MUS81: variants seen among roughly 807,000 people sequenced by gnomAD.
MUS81 encodes the protein structure-specific endonuclease subunit MUS81.
A neutral mutation model predicts 74.2 loss-of-function variants in MUS81; 69 were observed. The ratio of observed to expected loss-of-function variants is 0.93; its 90% CI spans 0.77 to 1.14. The LOEUF (loss-of-function observed/expected upper bound fraction) is 1.14. Among genes scored for constraint, MUS81 ranks in the 50% most tolerant of loss-of-function variants. The pLI is 0.00. For synonymous variants in MUS81, 303 were observed against 300.6 expected (o/e 1.01, Z -0.08); for missense variants, 711 against 726.5 (o/e 0.98, Z 0.25).
At chr11:65,861,627 T>C (rs1591054759) in intron 3 of MUS81, 192 bp downstream of exon 3, 2 of 610,766 alleles carry the variant, frequency 3.3e-6, no homozygotes, top group African/African-American at 3.7e-5. Context: ...ATGAGAGAAT[T>C]CCATGATCAA....
chr11:65,864,408 C>A (rs630758), intron 10 of MUS81, 89 bp from the exon 11 acceptor site: 724,600 of 1,200,002 alleles, frequency 0.6, 228,307 homozygotes, highest in Middle Eastern at 0.7. Context: ...GAACAGGGTC[C>A]CGGCACCATT....
intron 3 of MUS81, 102 bp downstream of exon 3, chr11:65,861,537 A>G: frequency 1.1e-6 from 1 of 936,270 alleles, no homozygotes; most frequent in Non-Finnish European, 1.6e-6. Flanking sequence ...CTCACCAGTG[A>G]TGCCTGGCCT....
chr11:65,864,058 A>G (rs1460430840), intron 10 of MUS81, 157 bp downstream of exon 10: 3 of 695,616 alleles, frequency 4.3e-6, no homozygotes, highest in East Asian at 2.7e-5. Context: ...AGACCCCCAC[A>G]GGCCCATCCA....
rs367904714 is a variant in MUS81 at position 65,863,949 on chromosome 11, G to A, written c.1059+48G>A. The A allele has an allele frequency of 1.1e-5, 17 of 1,591,150 alleles. No homozygotes were observed. The African/African-American group carries it at 1.7e-4, about 16-fold the overall frequency. On this transcript the variant is annotated intron_variant, in intron 10 of 15. Transcript: ENST00000308110. ...GCTTCCCTGCCTGCTCCGAAGCCCCGTTTTCAGCCCAGAGCAATCCAGGGG... is the reference window on the plus strand; with the variant it reads ...GCTTCCCTGCCTGCTCCGAAGCCCCATTTTCAGCCCAGAGCAATCCAGGGG...
chr11:65,865,388 TC>T, intron 14 of MUS81, 65 bp downstream of exon 14: 1 of 1,492,060 alleles, frequency 6.7e-7, no homozygotes. Flanking sequence ...TTCACCTTAA[TC>T]CATGCTTCGT....
intron 12 of MUS81, 26 bp from the exon 13 acceptor site, chr11:65,864,991 C>T (rs1565269302): frequency 6.2e-6 from 10 of 1,611,746 alleles, no homozygotes; most frequent in Non-Finnish European, 8.5e-6. Flanking sequence ...GAGCTCCAGC[C>T]TGGCCTCAGT....
rs1377530063 is a variant in MUS81, at chr11:65,863,602, GC to G, written c.843del (p.His283ThrfsTer14). 6.2e-7 allele frequency: 1 copy of G among 1,614,034 alleles called. No homozygotes were observed. ...LCVDIGETRG[G>X]GHRPELLREL... ...GGCTTCCCTCCTTGCCACTCCAGGG[GC>G]GGGCACAGGCCGGAGCTGCTCCGAG... On this transcript the variant is annotated frameshift_variant, in exon 9 of 16. Coordinates refer to ENST00000308110, the MANE Select transcript of MUS81 (RefSeq NM_025128.5). LOFTEE classifies it high-confidence loss of function.
intron 7 of MUS81, 76 bp from the exon 8 acceptor site, chr11:65,863,334 G>T: frequency 6.3e-7 from 1 of 1,595,010 alleles, no homozygotes; most frequent in South Asian, 1.1e-5. Flanking sequence ...GGTGGTGGGT[G>T]TCGGGTGGCA....
At position 65,866,054 on chromosome 11, in the gene MUS81, C is replaced by T. The variant is rs764199513; in HGVS notation, c.*2C>T. The T allele has an allele frequency of 8.7e-6, 14 of 1,613,600 alleles. No individual in the cohort carries two copies. In the East Asian group the frequency reaches 3.1e-4, roughly 36 times the overall value. On this transcript the variant is annotated 3_prime_UTR_variant, in exon 16 of 16. Transcript: ENST00000308110. Reference sequence around the variant, plus strand: ...TGCAGCTACGGCCCCTTGACCTGAGCTTATGCCGTGAAACAGCCCCCAGCC... The same window carrying T: ...TGCAGCTACGGCCCCTTGACCTGAGTTTATGCCGTGAAACAGCCCCCAGCC...
At chr11:65,866,931 G>T (rs1859858566), downstream of MUS81, 2 of 1,614,102 alleles carry the variant, frequency 1.2e-6, no homozygotes, top group African/African-American at 1.3e-5. Context: ...GAAGGTGTAG[G>T]CCCCTACAAA....
rs755982969 is a variant in MUS81 at position 65,862,034 on chromosome 11, C to T, written c.439C>T (p.Arg147Trp). Residue 147 changes from arginine to tryptophan, a missense_variant, in exon 4 of 16, where the codon CGG becomes TGG. Arg to Trp is a moderately radical substitution (Grantham distance 101). Coordinates refer to ENST00000308110, the MANE Select transcript of MUS81 (RefSeq NM_025128.5). ...GARVILLVLY[R>W]EHLNPNGHHF... ...CCGAGTGATACTGCTGGTGCTCTAC[C>T]GGGAGCACCTGGTGAGCACTGGGCT... is the stretch of plus-strand genomic sequence containing the variant. 15 of 1,608,044 alleles carry T rather than the reference C, an allele frequency of 9.3e-6. No individual in the cohort carries two copies. Among genetic ancestry groups the T allele is most frequent in the Admixed American group, 3.4e-5 (2 of 59,062 alleles).
At chr11:65,862,907 C>T (rs193148112) in intron 6 of MUS81, among the ~76,000 whole-genome samples, 158 bp from the exon 7 acceptor site, 1 of 152,310 alleles carries the variant, frequency 6.6e-6, no homozygotes, top group East Asian at 1.9e-4. Context: ...CAAGGAACTG[C>T]TCTAAGAGCC....
chr11:65,862,481 G>A lies in MUS81; in HGVS notation c.557G>A (p.Arg186His), dbSNP rs758183083. ...AGTGCTCGACCCTGGCCAGCCCTCC[G>A]CTCCCTCCTTCACAGGAACCTGGTC... ...PGSARPWPAL[R>H]SLLHRNLVLR... The change falls in exon 6 of 16, where the codon CGC becomes CAC. Residue 186 changes from arginine to histidine, a missense_variant. Transcript: ENST00000308110. 116 of 1,613,664 alleles carry A rather than the reference G, an allele frequency of 7.2e-5. No individual in the cohort carries two copies. Among genetic ancestry groups the A allele is most frequent in the African/African-American group, 1.3e-4 (10 of 74,922 alleles).
Position 65,866,085 on chromosome 11 carries a change from C to CT in MUS81, c.*34dup. On this transcript the variant is annotated 3_prime_UTR_variant, in exon 16 of 16. Coordinates refer to ENST00000308110, the MANE Select transcript of MUS81 (RefSeq NM_025128.5). ...CCGTGAAACAGCCCCCAGCCCCCGT[C>CT]TGTCCCCCAACCCAGGCTAGCCAGC... 1.2e-6 allele frequency: 2 copies of CT among 1,601,078 alleles called. No homozygotes were observed. Among genetic ancestry groups the CT allele is most frequent in the Non-Finnish European group, 1.7e-6 (2 of 1,172,602 alleles).
intron 1 of MUS81, 31 bp downstream of exon 1, chr11:65,860,919 C>T (rs1473050995): frequency 6.2e-7 from 1 of 1,605,268 alleles, no homozygotes; most frequent in African/African-American, 1.3e-5. Context: ...ATGGGAAAAG[C>T]TGCTGGCCAG....
At chr11:65,863,040 C>T in intron 6 of MUS81, 25 bp from the exon 7 acceptor site, 2 of 1,613,672 alleles carry the variant, frequency 1.2e-6, no homozygotes, top group South Asian at 2.2e-5. Context: ...GAAGGTAGAG[C>T]TGTGTTGTCC....
rs192220965 is a variant in MUS81 at position 65,864,131 on chromosome 11, C to T, written c.1059+230C>T. 2.2e-4 allele frequency: 133 copies of T among 601,612 alleles called. 1 individual carries two copies. Among genetic ancestry groups the T allele is most frequent in the South Asian group, 1.4e-3 (73 of 50,408 alleles). The allele number at this position is 601,612 out of a possible 1,614,324, so 37.3% of individuals were successfully genotyped here. On this transcript the variant is annotated intron_variant, in intron 10 of 15. Transcript: ENST00000308110. Reference sequence around the variant, plus strand: ...CTGAGGTCAGGAGCATTTTAAAGACCTCTTGGGTACCCAGCCCCTGCAGTC... The same window carrying T: ...CTGAGGTCAGGAGCATTTTAAAGACTTCTTGGGTACCCAGCCCCTGCAGTC...
At position 65,860,870 on chromosome 11, in the gene MUS81, G is replaced by A. The variant is rs2134721396; in HGVS notation, c.117G>A (p.Thr39=). The A allele has an allele frequency of 6.4e-7, 1 of 1,562,608 alleles. No homozygotes were observed. Among genetic ancestry groups the A allele is most frequent in the Non-Finnish European group, 8.6e-7 (1 of 1,156,714 alleles). Residue 39 remains threonine, a synonymous_variant, in exon 1 of 16, where the codon ACG becomes ACA. Coordinates refer to ENST00000308110, the MANE Select transcript of MUS81 (RefSeq NM_025128.5). ...AGGCGACCCGCAGCAGGCGCCGCAC[G>A]CGCTTCGTATTTCAGAAGGTGGGTC... ...RDEATRSRRR[T]RFVFQKALRS... is the part of the protein sequence containing the mutation.
Position 65,863,886 on chromosome 11 carries a change from C to T in MUS81, c.1044C>T (p.Arg348=), listed in dbSNP as rs967944328. 1 of 1,614,156 alleles carries T rather than the reference C, an allele frequency of 6.2e-7. No homozygotes were observed. Among genetic ancestry groups the T allele is most frequent in the Non-Finnish European group, 8.5e-7 (1 of 1,180,016 alleles). ...DDLCSSIIDG[R]FREQKFRLKR... The stretch of plus-strand genomic sequence containing the variant: ...TTTGCAGCAGCATCATCGACGGCCG[C>T]TTCCGGGAGCAGAAGGTAATTTTGC... Residue 348 remains arginine (R), a synonymous_variant, in exon 10 of 16, where the codon CGC becomes CGT. Transcript: ENST00000308110.
Sources: allele counts gnomAD v4.1 joint callset (sites outside exome capture counted in the v4.1 genomes callset), GRCh38; gene constraint gnomAD v4.1.1; transcripts MANE v1.5; gene names NCBI Gene and HGNC (gene_info 2026-07-23, HGNC 2026-07-21).